Variants in CEACAM18 observed in about 807,000 individuals in gnomAD.
CEACAM18 encodes the protein CEA cell adhesion molecule 18.
In CEACAM18, 33 loss-of-function variants were observed where a neutral mutation model predicts 34.3. The observed-to-expected ratio is 0.96, with a 90% CI of 0.73 to 1.29. The LOEUF (loss-of-function observed/expected upper bound fraction) is 1.29, where lower values mean the gene tolerates loss of function less well. Ranked by LOEUF, CEACAM18 falls within the 50% of genes most tolerant of loss-of-function variation. The pLI, the probability that CEACAM18 is intolerant of heterozygous loss-of-function variation, is 0.00. For synonymous variants in CEACAM18, 169 were observed against 180.9 expected (o/e 0.93, Z 0.53); for missense variants, 474 against 485.0 (o/e 0.98, Z 0.21).
rs141566245 is a variant in CEACAM18 at position 51,484,055 on chromosome 19, G to A, written c.953+759G>A. Among the ~76,000 whole-genome samples, 34 of 152,254 alleles carry A rather than the reference G, an allele frequency of 2.2e-4. 1 individual carries two copies. In the East Asian group the frequency reaches 2.9e-3, roughly 13 times the overall value. On this transcript the variant is annotated intron_variant, in intron 4 of 5. Transcript: ENST00000396477. ...TGAACCTGGGACAAGCAGCTCCATCGTTCCGAGACTCAGTTTCCTCAACTG... is the reference window on the plus strand; with the variant it reads ...TGAACCTGGGACAAGCAGCTCCATCATTCCGAGACTCAGTTTCCTCAACTG...
exon 2 of CEACAM18, chr19:51,480,359 C>G: frequency 6.2e-7 from 1 of 1,611,006 alleles, no homozygotes; most frequent in Non-Finnish European, 8.5e-7. Flanking sequence ...TGGGATCTGC[C>G]AGGCCTCTGG....
At chr19:51,478,985 G>C (rs1156278060) in intron 1 of CEACAM18, among the ~76,000 whole-genome samples, 1 of 151,368 alleles carries the variant, frequency 6.6e-6, no homozygotes, top group African/African-American at 2.4e-5. Context: ...CACACAGAGA[G>C]AGAGAGAGAG....
intron 3 of CEACAM18, among the ~76,000 whole-genome samples, chr19:51,482,495 A>G (rs1415242175): frequency 6.6e-6 from 1 of 152,178 alleles, no homozygotes; most frequent in Non-Finnish European, 1.5e-5. Context: ...TCTGACCTCC[A>G]TACAGCTGTT....
At chr19:51,479,700 G>A (rs936740412) in intron 1 of CEACAM18, among the ~76,000 whole-genome samples, 3 of 152,158 alleles carry the variant, frequency 2.0e-5, no homozygotes, top group Non-Finnish European at 4.4e-5. Flanking sequence ...CAGCAAGGAG[G>A]GTGCAGATGG....
intron 3 of CEACAM18, among the ~76,000 whole-genome samples, chr19:51,482,274 T>A (rs1308820683): frequency 6.6e-6 from 1 of 152,204 alleles, no homozygotes; most frequent in East Asian, 1.9e-4. Flanking sequence ...GCTGAACTTA[T>A]AAATACATTA....
chr19:51,483,218 G>A (rs549931969), exon 4 of CEACAM18: 4 of 1,614,008 alleles, frequency 2.5e-6, no homozygotes, highest in African/African-American at 2.7e-5. Flanking sequence ...GAGCAGATGG[G>A]CCGTTACCGA....
At chr19:51,481,295 G>A in intron 2 of CEACAM18, 98 bp from the exon 3 acceptor site, 1 of 1,306,382 alleles carries the variant, frequency 7.7e-7, no homozygotes, top group South Asian at 1.4e-5. Flanking sequence ...TACAGCTCTT[G>A]GCTTCTCTCC....
chr19:51,490,941 C>T (rs975616081), exon 6 of CEACAM18: 1 of 292,864 alleles, frequency 3.4e-6, no homozygotes, highest in Non-Finnish European at 6.3e-6. Flanking sequence ...GCGCCTCCTC[C>T]CTCAGCTCCG....
chr19:51,479,245 G>A (rs1421884930), intron 1 of CEACAM18, among the ~76,000 whole-genome samples: 1 of 152,210 alleles, frequency 6.6e-6, no homozygotes, highest in African/African-American at 2.4e-5. Context: ...TAGAGCCGGG[G>A]TCTCAGGCAT....
At chr19:51,485,077 T>C in exon 5 of CEACAM18, 1 of 1,534,986 alleles carries the variant, frequency 6.5e-7, no homozygotes, top group East Asian at 2.4e-5. Context: ...GGCGTTTACA[T>C]CTGTGGAGTC....
intron 5 of CEACAM18, 83 bp downstream of exon 5, chr19:51,485,205 C>T: frequency 1.5e-6 from 2 of 1,353,288 alleles, no homozygotes; most frequent in Non-Finnish European, 2.0e-6. Flanking sequence ...AGAGGGGAAG[C>T]AGAGCCAGAA....
intron 1 of CEACAM18, 81 bp downstream of exon 1, chr19:51,478,775 G>A (rs1989855395): frequency 2.9e-6 from 3 of 1,050,614 alleles, no homozygotes; most frequent in Non-Finnish European, 2.5e-6. Flanking sequence ...GAGGGGGCTG[G>A]GACCATCCCC....
chr19:51,485,180 G>T, intron 5 of CEACAM18, 58 bp downstream of exon 5: 1 of 1,429,154 alleles, frequency 7.0e-7, no homozygotes, highest in Non-Finnish European at 9.2e-7. Context: ...GGACTCAGGA[G>T]CCAGCCCTCC....
rs146517022 is a variant in CEACAM18, at chr19:51,483,624, C to G, written c.953+328C>G. ...AAGTGAATGCGATTGGCATCACCTC[C>G]ATTTGACAGGTGAGAAACTGAGCCC... On this transcript the variant is annotated intron_variant, in intron 4 of 5. Transcript: ENST00000396477. Among the ~76,000 whole-genome samples the G allele has an allele frequency of 8.9e-4, 136 of 152,310 alleles. No individual in the cohort carries two copies. In the Middle Eastern group the frequency reaches 0.014, roughly 15 times the overall value.
At chr19:51,485,363 T>G (rs1989981728) in intron 5 of CEACAM18, among the ~76,000 whole-genome samples, 1 of 152,188 alleles carries the variant, frequency 6.6e-6, no homozygotes, top group African/African-American at 2.4e-5. Context: ...GCAACTTCCC[T>G]TCTCTTTGTG....
intron 5 of CEACAM18, 25 bp from the exon 6 acceptor site, chr19:51,490,562 C>T: frequency 8.1e-7 from 1 of 1,232,180 alleles, no homozygotes; most frequent in Non-Finnish European, 1.0e-6. Flanking sequence ...TGAGATGTGG[C>T]TTCTTCCCTG....
rs2122185087 is a variant in CEACAM18 at position 51,483,075 on chromosome 19, A to G, written c.732A>G (p.Thr244=). 1.9e-6 allele frequency: 3 copies of G among 1,614,032 alleles called. No individual in the cohort carries two copies. In the East Asian group the frequency reaches 6.7e-5, roughly 36 times the overall value. Residue 244 remains threonine (T), a synonymous_variant, in exon 4 of 6, where the codon ACA becomes ACG. Transcript: ENST00000396477. ...CTGATGATTTCAACGGCATTGTGAC[A>G]GCTGAGATCGGCTCCCAAGTGGAAA...
chr19:51,485,167 C>T, intron 5 of CEACAM18, 45 bp downstream of exon 5: 1 of 1,457,696 alleles, frequency 6.9e-7, no homozygotes, highest in Non-Finnish European at 9.0e-7. Flanking sequence ...TGGCTGGGGG[C>T]TGGGACTCAG....
At chr19:51,479,644 G>A (rs983473288) in intron 1 of CEACAM18, among the ~76,000 whole-genome samples, 21 of 152,312 alleles carry the variant, frequency 1.4e-4, no homozygotes, top group African/African-American at 5.1e-4. Context: ...AGGCTGGGGT[G>A]GAGGAGACAT....
Sources: allele counts gnomAD v4.1 joint callset (sites outside exome capture counted in the v4.1 genomes callset), GRCh38; gene constraint gnomAD v4.1.1; transcripts MANE v1.5; gene names NCBI Gene and HGNC (gene_info 2026-07-23, HGNC 2026-07-21).